TMEM132C: variants seen among roughly 807,000 people sequenced by gnomAD.
The protein encoded by TMEM132C is protein phosphatase 1, regulatory subunit 152.
Under a neutral mutation model 61.4 loss-of-function variants are expected in TMEM132C, and 29 were observed. The observed-to-expected ratio is 0.47, with a 90% confidence interval of 0.35 to 0.64. The LOEUF (loss-of-function observed/expected upper bound fraction) is 0.64, where lower values mean the gene tolerates loss of function less well. Ranked by LOEUF, TMEM132C falls within the 30% of genes least tolerant of loss-of-function variation. TMEM132C has a pLI of 0.00. For missense variants in TMEM132C, 1,408 were observed against 1,476.9 expected (o/e 0.95, Z 0.76); for synonymous variants, 656 against 633.1 (o/e 1.04, Z -0.54).
chr12:128,540,332 C>G (rs1873691667), intron 2 of TMEM132C, among the ~76,000 whole-genome samples: 1 of 152,188 alleles, frequency 6.6e-6, no homozygotes, highest in African/African-American at 2.4e-5. Flanking sequence ...TGGCTCACTG[C>G]AACCTCTGGC....
intron 4 of TMEM132C, among the ~76,000 whole-genome samples, chr12:128,628,203 G>A (rs1371813392): frequency 6.6e-6 from 1 of 152,112 alleles, no homozygotes; most frequent in East Asian, 1.9e-4. Flanking sequence ...ACCCCTGGGA[G>A]CCCCTTCCTC....
intron 3 of TMEM132C, among the ~76,000 whole-genome samples, chr12:128,603,611 G>T (rs572165974): frequency 1.3e-5 from 2 of 152,244 alleles, no homozygotes; most frequent in South Asian, 4.1e-4. Context: ...CCAGTCTACA[G>T]ATTACTTTAT....
At chr12:128,459,806 A>G (rs1456422793) in intron 2 of TMEM132C, among the ~76,000 whole-genome samples, 1 of 146,538 alleles carries the variant, frequency 6.8e-6, no homozygotes, top group East Asian at 2.1e-4. Context: ...AATCACTTGA[A>G]CCAGGGAGTG....
chr12:128,592,125 G>A (rs1242415889), intron 3 of TMEM132C, among the ~76,000 whole-genome samples: 1 of 151,290 alleles, frequency 6.6e-6, no homozygotes, highest in Non-Finnish European at 1.5e-5. Flanking sequence ...TGGCCTTACT[G>A]GAAAAGCTGA....
chr12:128,418,082 C>G (rs1402224211), intron 2 of TMEM132C, among the ~76,000 whole-genome samples: 1 of 152,184 alleles, frequency 6.6e-6, no homozygotes, highest in Non-Finnish European at 1.5e-5. Flanking sequence ...ACCTCACTCC[C>G]TGTTCACCAA....
intron 2 of TMEM132C, among the ~76,000 whole-genome samples, chr12:128,438,424 C>T (rs1869671487): frequency 6.6e-6 from 1 of 152,178 alleles, no homozygotes; most frequent in African/African-American, 2.4e-5. Flanking sequence ...ACACCGGCTC[C>T]TCTTCACCTT....
chr12:128,614,402 G>C (rs1876730999), intron 3 of TMEM132C, among the ~76,000 whole-genome samples: 1 of 152,168 alleles, frequency 6.6e-6, no homozygotes, highest in African/African-American at 2.4e-5. Context: ...GCAGCTGGCT[G>C]CATTTGGTTC....
At chr12:128,410,166 G>T (rs377725159) in intron 1 of TMEM132C, among the ~76,000 whole-genome samples, 31 of 151,844 alleles carry the variant, frequency 2.0e-4, no homozygotes, top group African/African-American at 7.5e-4. Flanking sequence ...TTATTTCAAC[G>T]AACAGTTTTA....
intron 1 of TMEM132C, among the ~76,000 whole-genome samples, chr12:128,351,740 C>A (rs368610188): frequency 6.6e-6 from 1 of 152,200 alleles, no homozygotes; most frequent in Non-Finnish European, 1.5e-5. Flanking sequence ...CCGTGAGAAT[C>A]TCATCAAGCT....
At chr12:128,269,377 T>TGTGTGTGC (rs1870433728) in intron 1 of TMEM132C, among the ~76,000 whole-genome samples, 1 of 151,956 alleles carries the variant, frequency 6.6e-6, no homozygotes, top group Non-Finnish European at 1.5e-5. Flanking sequence ...TGTGTGTGTG[T>TGTGTGTGC]ATCCAGAGGA....
rs36054458 is a variant in TMEM132C at position 128,582,414 on chromosome 12, C to CTT, written c.1122-33721_1122-33720dup. 5.8e-3 allele frequency among the ~76,000 whole-genome samples: 763 copies of CTT among 132,486 alleles called. 7 individuals are homozygous for CTT. Among genetic ancestry groups the CTT allele is most frequent in the African/African-American group, 0.02 (678 of 34,672 alleles). 86.9% of individuals were successfully genotyped at this position (132,486 alleles called of 152,430 possible). Reference sequence around the variant, plus strand: ...GGAGTATACATTGATATAGATGCTGCTTTTTTTTTTTTTTTTTTGAGACAG... The same window carrying CTT: ...GGAGTATACATTGATATAGATGCTGCTTTTTTTTTTTTTTTTTTTTGAGACAG... On this transcript the variant is annotated intron_variant, in intron 3 of 8. Transcript: ENST00000435159.
At chr12:128,536,998 G>A (rs949415955) in intron 2 of TMEM132C, among the ~76,000 whole-genome samples, 27 of 152,272 alleles carry the variant, frequency 1.8e-4, no homozygotes, top group Admixed American at 9.8e-4. Context: ...TGAGTAAGAA[G>A]GATAAATATG....
intron 3 of TMEM132C, among the ~76,000 whole-genome samples, chr12:128,577,055 C>G (rs1299056573): frequency 1.3e-5 from 2 of 152,098 alleles, no homozygotes; most frequent in African/African-American, 2.4e-5. Context: ...AAAAGGCAAC[C>G]CCATATCCAC....
intron 3 of TMEM132C, among the ~76,000 whole-genome samples, chr12:128,591,288 C>G (rs1295424218): frequency 6.6e-6 from 1 of 152,104 alleles, no homozygotes; most frequent in Admixed American, 6.5e-5. Context: ...CTCCCCCAGC[C>G]CCCGGCAACA....
intron 1 of TMEM132C, among the ~76,000 whole-genome samples, chr12:128,301,053 CAAAT>C (rs1871579703): frequency 6.6e-6 from 1 of 152,216 alleles, no homozygotes; most frequent in African/African-American, 2.4e-5. Flanking sequence ...ACAAACAAAA[CAAAT>C]GAACAGAAAA....
chr12:128,632,535 C>T (rs1954072215), intron 4 of TMEM132C, among the ~76,000 whole-genome samples: 1 of 152,156 alleles, frequency 6.6e-6, no homozygotes, highest in African/African-American at 2.4e-5. Flanking sequence ...TGCTGACACA[C>T]CTGGTAAAAT....
chr12:128,572,751 T>A (rs996798533), intron 3 of TMEM132C, among the ~76,000 whole-genome samples: 1 of 152,146 alleles, frequency 6.6e-6, no homozygotes, highest in Non-Finnish European at 1.5e-5. Context: ...TGGGCCTGGG[T>A]CACATGCCCA....
chr12:128,636,194 G>A (rs939366453), intron 4 of TMEM132C, among the ~76,000 whole-genome samples: 4 of 151,760 alleles, frequency 2.6e-5, no homozygotes, highest in Middle Eastern at 3.2e-3. Context: ...GGAACCACAG[G>A]CATGCATCAC....
At chr12:128,527,062 G>A (rs952801775) in intron 2 of TMEM132C, among the ~76,000 whole-genome samples, 10 of 152,178 alleles carry the variant, frequency 6.6e-5, no homozygotes, top group African/African-American at 1.4e-4. Flanking sequence ...AGGAAGATCC[G>A]TTTCAGCCCG....
Sources: allele counts gnomAD v4.1 joint callset (sites outside exome capture counted in the v4.1 genomes callset), GRCh38; gene constraint gnomAD v4.1.1; transcripts MANE v1.5; gene names NCBI Gene and HGNC (gene_info 2026-07-23, HGNC 2026-07-21).